TEAD1: variants seen among roughly 807,000 people sequenced by gnomAD.
TEAD1 encodes TEA domain transcription factor 1.
Under a neutral mutation model 54.9 loss-of-function variants are expected in TEAD1, and 9 were observed. The observed-to-expected ratio is 0.16, with a 90% CI of 0.10 to 0.29. TEAD1 has a LOEUF of 0.29. Ranked by LOEUF, TEAD1 falls within the 10% of genes least tolerant of loss-of-function variation. The probability of loss-of-function intolerance (pLI) is 1.00; values close to 1 mark genes in which losing one functional copy is unlikely to be tolerated. For missense variants in TEAD1, 387 were observed against 535.9 expected, an observed-to-expected ratio of 0.72 and a Z score of 2.74; for synonymous variants, 200 against 187.8, an observed-to-expected ratio of 1.07 and a Z score of -0.53.
At chr11:12,936,536 C>T (rs1171683375) in intron 12 of TEAD1, among the ~76,000 whole-genome samples, 1 of 152,088 alleles carries the variant, frequency 6.6e-6, no homozygotes, top group Non-Finnish European at 1.5e-5. Context: ...AAGTTTAAGA[C>T]TAGGATGGGA....
Position 12,908,883 on chromosome 11 carries a change from G to GTTTTTTTTTTTT in TEAD1, c.873+6772_873+6783dup, listed in dbSNP as rs60042137. On this transcript the variant is annotated intron_variant, in intron 10 of 12. Transcript: ENST00000527636. ...TATGTCAGTATACTTCAAATTATCT[G>GTTTTTTTTTTTT]TTTTTTTTTTTTTGAGACAGTGTTG... Among the ~76,000 whole-genome samples the GTTTTTTTTTTTT allele has an allele frequency of 1.4e-4, 14 of 99,660 alleles. No individual in the cohort carries two copies. The East Asian group carries it at 1.6e-3, about 12-fold the overall frequency. The allele number at this position is 99,660 out of a possible 152,430, so 65.4% of individuals were successfully genotyped here.
In TEAD1 at chr11:12,884,198, T is replaced by G. The variant is rs911981233; in HGVS notation, c.699+1073T>G. 4.6e-5 allele frequency among the ~76,000 whole-genome samples: 7 copies of G among 152,026 alleles called. No individual in the cohort carries two copies. In the South Asian group the frequency reaches 1.5e-3, roughly 32 times the overall value. ...GGCATTTCCCATACATATGTGATCC[T>G]CCCTTCTTTCCCACCCAACAAGCCC... On this transcript the variant is annotated intron_variant, in intron 9 of 12. Transcript: ENST00000527636.
intron 10 of TEAD1, among the ~76,000 whole-genome samples, chr11:12,909,703 T>A (rs1033280298): frequency 6.6e-6 from 1 of 152,206 alleles, no homozygotes; most frequent in Non-Finnish European, 1.5e-5. Flanking sequence ...AGGTTGTGAC[T>A]GGTTATTATC....
At chr11:12,919,755 C>T (rs935423220) in intron 10 of TEAD1, among the ~76,000 whole-genome samples, 2 of 152,166 alleles carry the variant, frequency 1.3e-5, no homozygotes, top group African/African-American at 2.4e-5. Flanking sequence ...CTGCCTCAAC[C>T]TCTGAAAGTG....
At chr11:12,690,742 G>T (rs1943441276) in intron 2 of TEAD1, among the ~76,000 whole-genome samples, 1 of 152,112 alleles carries the variant, frequency 6.6e-6, no homozygotes, top group African/African-American at 2.4e-5. Flanking sequence ...TTGCAAACTG[G>T]TGGTTCTCTG....
At chr11:12,916,848 T>G (rs572013657) in intron 10 of TEAD1, among the ~76,000 whole-genome samples, 1 of 152,096 alleles carries the variant, frequency 6.6e-6, no homozygotes, top group South Asian at 2.1e-4. Context: ...CCTGAAGAAC[T>G]ATGTGGGTGA....
At chr11:12,866,315 G>A (rs149758108) in intron 5 of TEAD1, among the ~76,000 whole-genome samples, 3 of 152,328 alleles carry the variant, frequency 2.0e-5, no homozygotes, top group East Asian at 3.9e-4. Flanking sequence ...GTTTCCATCT[G>A]TGATGATATG....
intron 3 of TEAD1, among the ~76,000 whole-genome samples, chr11:12,840,396 G>T (rs1432147231): frequency 1.3e-5 from 2 of 152,090 alleles, no homozygotes; most frequent in African/African-American, 4.8e-5. Context: ...TGAGAAGCTT[G>T]TGAGAGTTAA....
intron 3 of TEAD1, among the ~76,000 whole-genome samples, chr11:12,784,138 TTA>T (rs1440885755): frequency 2.0e-5 from 3 of 152,098 alleles, no homozygotes; most frequent in African/African-American, 7.2e-5. Flanking sequence ...ATATTAGAGA[TTA>T]GGCATTTAGA....
intron 9 of TEAD1, among the ~76,000 whole-genome samples, chr11:12,884,730 G>A (rs1948051126): frequency 6.6e-6 from 1 of 152,152 alleles, no homozygotes; most frequent in Non-Finnish European, 1.5e-5. Flanking sequence ...ACAAGAAAAT[G>A]GGGCTATTCA....
At chr11:12,719,619 G>T (rs2133863473) in intron 2 of TEAD1, among the ~76,000 whole-genome samples, 1 of 152,080 alleles carries the variant, frequency 6.6e-6, no homozygotes, top group African/African-American at 2.4e-5. Flanking sequence ...GTCAGGCTAG[G>T]GGCAGGGATT....
chr11:12,806,721 C>T (rs983382806), intron 3 of TEAD1, among the ~76,000 whole-genome samples: 5 of 152,204 alleles, frequency 3.3e-5, no homozygotes, highest in African/African-American at 1.2e-4. Context: ...GCCTAAGTAG[C>T]TTTGCCATTT....
chr11:12,682,062 G>A (rs1943234586), intron 2 of TEAD1, among the ~76,000 whole-genome samples: 1 of 152,166 alleles, frequency 6.6e-6, no homozygotes, highest in Admixed American at 6.5e-5. Flanking sequence ...ATTTCTGAAA[G>A]GCCCCATCAT....
At chr11:12,729,408 G>A (rs542351661) in intron 2 of TEAD1, among the ~76,000 whole-genome samples, 1 of 152,306 alleles carries the variant, frequency 6.6e-6, no homozygotes, top group African/African-American at 2.4e-5. Flanking sequence ...AAAGTCCCAG[G>A]CAATGCCATG....
chr11:12,930,392 G>A, intron 12 of TEAD1, 66 bp downstream of exon 12: 1 of 1,603,782 alleles, frequency 6.2e-7, no homozygotes, highest in African/African-American at 1.3e-5. Context: ...AGTGAGGAAG[G>A]TGGGCCTGGG....
At chr11:12,746,903 G>T (rs992240985) in intron 2 of TEAD1, among the ~76,000 whole-genome samples, 2 of 152,240 alleles carry the variant, frequency 1.3e-5, no homozygotes, top group African/African-American at 4.8e-5. Flanking sequence ...AGACCAGGCG[G>T]GCTGGGGGTT....
chr11:12,688,558 T>C (rs982011655), intron 2 of TEAD1, among the ~76,000 whole-genome samples: 9 of 152,318 alleles, frequency 5.9e-5, no homozygotes, highest in Middle Eastern at 3.4e-3. Flanking sequence ...TTGGCTGTTT[T>C]GGTGTTGTCC....
intron 2 of TEAD1, among the ~76,000 whole-genome samples, chr11:12,719,792 A>G (rs1944144994): frequency 8.1e-6 from 1 of 123,878 alleles, no homozygotes; most frequent in South Asian, 2.1e-4. Context: ...GCTAATAGCT[A>G]AAAAAACTCT....
chr11:12,743,093 G>T (rs1944677975), intron 2 of TEAD1, among the ~76,000 whole-genome samples: 1 of 152,208 alleles, frequency 6.6e-6, no homozygotes, highest in Admixed American at 6.5e-5. Flanking sequence ...CTTGGCTGGT[G>T]TTCTTGCCTT....
Sources: allele counts gnomAD v4.1 joint callset (sites outside exome capture counted in the v4.1 genomes callset), GRCh38; gene constraint gnomAD v4.1.1; transcripts MANE v1.5; gene names NCBI Gene and HGNC (gene_info 2026-07-23, HGNC 2026-07-21).